MED12L: variants seen among roughly 807,000 people sequenced by gnomAD.
The protein encoded by MED12L is mediator complex subunit 12L.
In MED12L, 60 loss-of-function variants were observed where a neutral mutation model predicts 281.3. The observed-to-expected ratio is 0.21, with a 90% CI of 0.17 to 0.26. The LOEUF is 0.26. Among genes scored for constraint, MED12L ranks in the 10% least tolerant of loss-of-function variants. The pLI, the probability that MED12L is intolerant of heterozygous loss-of-function variation, is 1.00. For missense variants in MED12L, 2,146 were observed against 2,680.9 expected, an observed-to-expected ratio of 0.80 and a Z score of 4.41; for synonymous variants, 974 against 987.2, an observed-to-expected ratio of 0.99 and a Z score of 0.25.
At chr3:151,371,116 G>A (rs539345821) in intron 26 of MED12L, among the ~76,000 whole-genome samples, 7 of 152,266 alleles carry the variant, frequency 4.6e-5, no homozygotes, top group Admixed American at 4.6e-4. Flanking sequence ...CTAGTATGGG[G>A]CTAGCAGGTA....
At chr3:151,313,959 A>G (rs953335651) in intron 16 of MED12L, among the ~76,000 whole-genome samples, 1 of 152,222 alleles carries the variant, frequency 6.6e-6, no homozygotes, top group Non-Finnish European at 1.5e-5. Context: ...ATATGCAGTA[A>G]TCTTGTCACA....
At chr3:151,238,198 G>A (rs1475841500) in intron 16 of MED12L, among the ~76,000 whole-genome samples, 1 of 151,826 alleles carries the variant, frequency 6.6e-6, no homozygotes, top group African/African-American at 2.4e-5. Context: ...CCAGGCTGGA[G>A]TGCAGTGGCA....
At chr3:151,270,718 G>C (rs1406640580) in intron 16 of MED12L, among the ~76,000 whole-genome samples, 1 of 152,106 alleles carries the variant, frequency 6.6e-6, no homozygotes, top group Non-Finnish European at 1.5e-5. Flanking sequence ...TGACAACATG[G>C]CTTCTCCTTT....
chr3:151,293,115 AGAGT>A (rs1315089389), intron 16 of MED12L, among the ~76,000 whole-genome samples: 1 of 152,162 alleles, frequency 6.6e-6, no homozygotes, highest in African/African-American at 2.4e-5. Flanking sequence ...TGACTTAGAT[AGAGT>A]AAGACACTAG....
chr3:151,401,647 C>T (rs1715696501), intron 39 of MED12L, among the ~76,000 whole-genome samples: 1 of 152,102 alleles, frequency 6.6e-6, no homozygotes. Flanking sequence ...ATGATAGTCT[C>T]ATTTGTTAAA....
intron 16 of MED12L, among the ~76,000 whole-genome samples, chr3:151,200,159 C>G (rs963992021): frequency 1.0e-4 from 15 of 147,004 alleles, no homozygotes; most frequent in Admixed American, 6.1e-4. Flanking sequence ...AAGCATAAGA[C>G]ATACCCTTAG....
intron 16 of MED12L, chr3:151,328,398 C>G: frequency 6.2e-7 from 1 of 1,613,702 alleles, no homozygotes; most frequent in Non-Finnish European, 8.5e-7. Context: ...AGGATAAAAA[C>G]AGTCCAGAAA....
At chr3:151,161,590 C>T (rs1171820307) in intron 8 of MED12L, among the ~76,000 whole-genome samples, 1 of 152,072 alleles carries the variant, frequency 6.6e-6, no homozygotes, top group Non-Finnish European at 1.5e-5. Context: ...ATTATATTAG[C>T]GTATGGATAG....
At chr3:151,318,403 A>G (rs1438358087) in intron 16 of MED12L, among the ~76,000 whole-genome samples, 1 of 151,490 alleles carries the variant, frequency 6.6e-6, no homozygotes, top group East Asian at 1.9e-4. Context: ...TTTGAGCAGA[A>G]GGGTTATGCT....
Position 151,199,256 on chromosome 3 carries a change from G to C in MED12L, c.2250+5590G>C, listed in dbSNP as rs766785001. On this transcript the variant is annotated intron_variant, in intron 16 of 44. Transcript: ENST00000687756. Reference sequence around the variant, plus strand: ...GTAGATGCTCACACACCTGTGATTCGTATTCTTCTGTATAAAAGCCCAGGT... The same window carrying C: ...GTAGATGCTCACACACCTGTGATTCCTATTCTTCTGTATAAAAGCCCAGGT... 3.7e-6 allele frequency: 6 copies of C among 1,613,832 alleles called. No individual in the cohort carries two copies. In the East Asian group the frequency reaches 1.3e-4, roughly 36 times the overall value.
intron 17 of MED12L, among the ~76,000 whole-genome samples, chr3:151,351,942 ATTG>A (rs1485520986): frequency 2.6e-5 from 4 of 152,182 alleles, no homozygotes; most frequent in African/African-American, 9.6e-5. Context: ...AGCGAAAAAC[ATTG>A]TTGTTCTGTG....
At chr3:151,225,237 A>G (rs1240255909) in intron 16 of MED12L, among the ~76,000 whole-genome samples, 1 of 151,606 alleles carries the variant, frequency 6.6e-6, no homozygotes, top group Non-Finnish European at 1.5e-5. Flanking sequence ...AATTGGCTAC[A>G]CTCCCCTTAT....
chr3:151,327,228 G>T (rs1189314661), intron 16 of MED12L: 1 of 152,178 alleles, frequency 6.6e-6, no homozygotes, highest in African/African-American at 2.4e-5. Flanking sequence ...GGGGATAGGG[G>T]TTGTGGTCCA....
At chr3:151,131,355 C>G (rs1488287196) in intron 5 of MED12L, among the ~76,000 whole-genome samples, 2 of 152,198 alleles carry the variant, frequency 1.3e-5, no homozygotes, top group South Asian at 2.1e-4. Context: ...AATCCCACCA[C>G]TTTGGGAGAA....
At chr3:151,099,878 T>C (rs947269874) in intron 2 of MED12L, among the ~76,000 whole-genome samples, 4 of 152,164 alleles carry the variant, frequency 2.6e-5, no homozygotes, top group Admixed American at 6.5e-5. Context: ...GTTGAGAGTG[T>C]GCAAAGAGAT....
At chr3:151,342,983 A>C (rs1458777826) in intron 16 of MED12L, among the ~76,000 whole-genome samples, 1 of 152,002 alleles carries the variant, frequency 6.6e-6, no homozygotes, top group African/African-American at 2.4e-5. Context: ...TTAGATGGAG[A>C]CCCCATTCTG....
rs1720047541 is a variant in MED12L, at chr3:151,435,513, CAT to C, written c.*2710_*2711del. On this transcript the variant is annotated 3_prime_UTR_variant, in exon 45 of 45. Transcript: ENST00000687756. ...ATGAAAACCCAAGGGCGCTATTCCACATGTCTCAAATGATTGGCAGGGGCTAA... is the reference window on the plus strand; with the variant it reads ...ATGAAAACCCAAGGGCGCTATTCCACGTCTCAAATGATTGGCAGGGGCTAA... 1 of 152,082 alleles carries C rather than the reference CAT, an allele frequency of 6.6e-6. No individual in the cohort carries two copies. The highest frequency in any genetic ancestry group is 1.5e-5 in the Non-Finnish European group (1 of 68,020). The allele number at this position is 152,082 out of a possible 1,614,324, so 9.4% of individuals were successfully genotyped here. A position where few individuals can be genotyped will look rare whatever the true frequency, so the allele number is the denominator to read the frequency against.
intron 16 of MED12L, chr3:151,300,056 C>A (rs367545965): frequency 6.3e-7 from 1 of 1,580,196 alleles, no homozygotes; most frequent in Admixed American, 1.7e-5. Context: ...GTATCTCTTA[C>A]GACGGCTTAC....
intron 4 of MED12L, among the ~76,000 whole-genome samples, chr3:151,125,946 A>T (rs142257860): frequency 6.6e-6 from 1 of 152,002 alleles, no homozygotes; most frequent in East Asian, 1.9e-4. Flanking sequence ...CGCCTCTGTC[A>T]TGGGGTCTGT....
Sources: allele counts gnomAD v4.1 joint callset (sites outside exome capture counted in the v4.1 genomes callset), GRCh38; gene constraint gnomAD v4.1.1; transcripts MANE v1.5; gene names NCBI Gene and HGNC (gene_info 2026-07-23, HGNC 2026-07-21).